The following SPATS1 variants were observed in gnomAD, a reference collection of about 807,000 sequenced individuals.
The protein encoded by SPATS1 is spermatogenesis associated serine rich 1.
Under a neutral mutation model 33.6 loss-of-function variants are expected in SPATS1, and 23 were observed. The ratio of observed to expected loss-of-function variants is 0.68; its 90% CI spans 0.49 to 0.97. SPATS1 has a LOEUF of 0.97. Ranked by LOEUF, SPATS1 falls within the 50% of genes least tolerant of loss-of-function variation. The pLI is 0.00. For missense variants in SPATS1, 327 were observed against 361.0 expected (o/e 0.91, Z 0.76); for synonymous variants, 131 against 125.6 (o/e 1.04, Z -0.29).
At chr6:44,358,248 A>G (rs1408840735) in intron 3 of SPATS1, among the ~76,000 whole-genome samples, 1 of 152,200 alleles carries the variant, frequency 6.6e-6, no homozygotes. Context: ...ATTGTTATGA[A>G]AAAAGATCCT....
intron 3 of SPATS1, among the ~76,000 whole-genome samples, chr6:44,353,378 A>G (rs1159907079): frequency 6.6e-6 from 1 of 152,052 alleles, no homozygotes; most frequent in Non-Finnish European, 1.5e-5. Flanking sequence ...AGGACTGGCA[A>G]TGTTTTGTTT....
At chr6:44,347,443 C>T (rs773122113) in intron 2 of SPATS1, among the ~76,000 whole-genome samples, 32 of 152,024 alleles carry the variant, frequency 2.1e-4, no homozygotes, top group Non-Finnish European at 4.0e-4. Context: ...AGATTTTCCC[C>T]CAGTTTATAG....
chr6:44,342,704 C>T lies in SPATS1; in HGVS notation c.-65C>T, dbSNP rs557009106. 3.7e-5 allele frequency: 17 copies of T among 459,488 alleles called. No homozygotes were observed. The East Asian group carries it at 9.6e-4, about 26-fold the overall frequency. 28.5% of individuals were successfully genotyped at this position (459,488 alleles called of 1,614,324 possible). On this transcript the variant is annotated 5_prime_UTR_variant, in exon 1 of 9. Coordinates refer to ENST00000674044, the MANE Select transcript of SPATS1 (RefSeq NM_001372081.1). ...GCTGCGGTGTCCCTTTTGCCCTAGG[C>T]TCTCGGTTCTCAGGCCTCGGCGTGC...
rs1233883551 is a variant in SPATS1 at position 44,342,726 on chromosome 6, G to A, written c.-43G>A. ...AGGCTCTCGGTTCTCAGGCCTCGGCGTGCGGCGTGCGTTCGGCAGTTCAGT... is the reference window on the plus strand; with the variant it reads ...AGGCTCTCGGTTCTCAGGCCTCGGCATGCGGCGTGCGTTCGGCAGTTCAGT... On this transcript the variant is annotated 5_prime_UTR_variant, in exon 1 of 9. It adds an upstream start codon to the 5' untranslated region. Transcript: ENST00000674044. 2.2e-6 allele frequency: 1 copy of A among 464,234 alleles called. No homozygotes were observed. Among genetic ancestry groups the A allele is most frequent in the Admixed American group, 2.3e-5 (1 of 42,726 alleles). The allele number at this position is 464,234 out of a possible 1,614,324, so 28.8% of individuals were successfully genotyped here.
At chr6:44,356,017 G>C (rs906330471) in intron 3 of SPATS1, among the ~76,000 whole-genome samples, 14 of 152,160 alleles carry the variant, frequency 9.2e-5, no homozygotes, top group Non-Finnish European at 1.6e-4. Flanking sequence ...CGAATCTAAA[G>C]CTCCACTCTA....
intron 2 of SPATS1, among the ~76,000 whole-genome samples, chr6:44,345,506 C>T (rs755438266): frequency 1.9e-4 from 29 of 152,252 alleles, no homozygotes; most frequent in Non-Finnish European, 4.0e-4. Context: ...TGGGAAAGGA[C>T]CCTCTCTGAT....
At chr6:44,370,162 G>A (rs750113594) in intron 7 of SPATS1, 49 bp downstream of exon 7, 39 of 1,512,050 alleles carry the variant, frequency 2.6e-5, no homozygotes, top group East Asian at 9.1e-5. Context: ...ATTAAATATC[G>A]ATTATTTTAT....
rs532103008 is a variant in SPATS1 at position 44,344,273 on chromosome 6, A to G, written c.139+1039A>G. Among the ~76,000 whole-genome samples, 10 of 152,234 alleles carry G rather than the reference A, an allele frequency of 6.6e-5. No homozygotes were observed. In the East Asian group the frequency reaches 1.9e-3, roughly 29 times the overall value. On this transcript the variant is annotated intron_variant, in intron 2 of 8. Transcript: ENST00000674044. ...CCCAGACCACATTAATGAAAGACCC[A>G]TGGTGTCCTTTCCTGCTGTGTAGGT...
intron 7 of SPATS1, among the ~76,000 whole-genome samples, chr6:44,375,769 T>C (rs952639389): frequency 6.8e-5 from 10 of 147,266 alleles, no homozygotes; most frequent in Non-Finnish European, 1.2e-4. Flanking sequence ...GAGATCGCAC[T>C]CCAGCCTGGG....
At chr6:44,361,100 G>A (rs1788892482) in intron 4 of SPATS1, among the ~76,000 whole-genome samples, 1 of 152,134 alleles carries the variant, frequency 6.6e-6, no homozygotes, top group African/African-American at 2.4e-5. Flanking sequence ...AAAGCCACAT[G>A]GCCAGGAAGT....
chr6:44,365,197 A>C (rs1789172188), intron 5 of SPATS1, among the ~76,000 whole-genome samples: 5 of 152,188 alleles, frequency 3.3e-5, no homozygotes, highest in Admixed American at 3.3e-4. Context: ...AATCAATCAA[A>C]ATATCTTTAA....
At chr6:44,360,593 C>T in intron 4 of SPATS1, 23 bp downstream of exon 4, 6 of 1,613,380 alleles carry the variant, frequency 3.7e-6, no homozygotes, top group Non-Finnish European at 5.1e-6. Context: ...CCCTCCTCCA[C>T]ATGCTTCTGT....
At position 44,361,989 on chromosome 6, in the gene SPATS1, T is replaced by C. The variant is rs1474220063; in HGVS notation, c.571T>C (p.Tyr191His). Reference protein sequence around the residue: ...TVDKCFGRKKYDIDPRNGIPK... With the variant: ...TVDKCFGRKKHDIDPRNGIPK... ...GGACAAGTGCTTTGGGAGAAAGAAA[T>C]ACGGTGATGTTTCCTTCTGGGTCTT... Residue 191 changes from tyrosine (Y) to histidine (H), a missense_variant, in exon 5 of 9, where the codon TAC (tyrosine) becomes CAC (histidine). By Grantham distance (83) the Tyr-to-His change is moderately conservative. Coordinates refer to ENST00000674044, the MANE Select transcript of SPATS1 (RefSeq NM_001372081.1). The C allele has an allele frequency of 1.2e-6, 2 of 1,614,196 alleles. No individual in the cohort carries two copies. Among genetic ancestry groups the C allele is most frequent in the Admixed American group, 3.3e-5 (2 of 60,024 alleles).
intron 2 of SPATS1, chr6:44,343,510 A>ATGT (rs1787692023): frequency 1.8e-6 from 1 of 542,658 alleles, no homozygotes; most frequent in Non-Finnish European, 3.5e-6. Context: ...GGAGCCAGAG[A>ATGT]TTTGACCTGC....
chr6:44,377,161 A>T lies in SPATS1; in HGVS notation c.*98A>T. On this transcript the variant is annotated 3_prime_UTR_variant, in exon 9 of 9. Transcript: ENST00000674044. ...GTGACTGTTCTAAATCCAGTGTTTGACCCTTATGAGGAAGTGTTGTGCTTT... is the reference window on the plus strand; with the variant it reads ...GTGACTGTTCTAAATCCAGTGTTTGTCCCTTATGAGGAAGTGTTGTGCTTT... 1 of 1,454,662 alleles carries T rather than the reference A, an allele frequency of 6.9e-7. No homozygotes were observed. Among genetic ancestry groups the T allele is most frequent in the Non-Finnish European group, 9.6e-7 (1 of 1,036,810 alleles). 90.1% of individuals were successfully genotyped at this position (1,454,662 alleles called of 1,614,324 possible).
chr6:44,376,495 G>C (rs1583098851), intron 8 of SPATS1, 22 bp downstream of exon 8: 1 of 1,552,594 alleles, frequency 6.4e-7, no homozygotes, highest in East Asian at 2.3e-5. Context: ...AAACTTCAAA[G>C]AATAGTGTAA....
intron 2 of SPATS1, among the ~76,000 whole-genome samples, chr6:44,351,617 G>C (rs1254324373): frequency 6.6e-6 from 1 of 152,158 alleles, no homozygotes; most frequent in African/African-American, 2.4e-5. Context: ...GCTGGATGAG[G>C]TACATAACTG....
intron 2 of SPATS1, 40 bp downstream of exon 2, chr6:44,343,274 A>C (rs370149642): frequency 1.2e-6 from 2 of 1,601,266 alleles, no homozygotes; most frequent in African/African-American, 2.7e-5. Flanking sequence ...GTTGGTGGCC[A>C]CATCCAAGTA....
At chr6:44,344,223 TA>T (rs778344079) in intron 2 of SPATS1, among the ~76,000 whole-genome samples, 4 of 152,196 alleles carry the variant, frequency 2.6e-5, no homozygotes, top group Non-Finnish European at 4.4e-5. Context: ...GTTTTCGAGT[TA>T]GGGGTAGCAG....
Sources: gnomAD v4.1 joint callset for allele counts (sites outside exome capture counted in the v4.1 genomes callset) on GRCh38, gnomAD v4.1.1 for gene constraint, MANE v1.5 for transcripts, NCBI Gene and HGNC (gene_info 2026-07-23, HGNC 2026-07-21) for gene names.